Variants in PTPRD observed in about 807,000 individuals in gnomAD.
PTPRD encodes receptor-type tyrosine-protein phosphatase delta.
Under a neutral mutation model 214.5 loss-of-function variants are expected in PTPRD, and 34 were observed. That is an observed-to-expected ratio of 0.16 (90% CI 0.12 to 0.21). The LOEUF (loss-of-function observed/expected upper bound fraction) is 0.21, where lower values mean the gene tolerates loss of function less well. Ranked by LOEUF, PTPRD falls within the 10% of genes least tolerant of loss-of-function variation. The pLI, the probability that PTPRD is intolerant of heterozygous loss-of-function variation, is 1.00. For missense variants in PTPRD, 2,545 were observed against 2,398.7 expected, an observed-to-expected ratio of 1.06 and a Z score of -1.27; for synonymous variants, 1,128 against 845.7, an observed-to-expected ratio of 1.33 and a Z score of -5.79.
At chr9:10,555,321 A>T (rs1310069780) in intron 2 of PTPRD, among the ~76,000 whole-genome samples, 1 of 152,238 alleles carries the variant, frequency 6.6e-6, no homozygotes, top group African/African-American at 2.4e-5. Context: ...CAGGTACAAC[A>T]AATAAAATTC....
At chr9:10,496,759 G>C (rs912099735) in intron 2 of PTPRD, among the ~76,000 whole-genome samples, 1 of 151,994 alleles carries the variant, frequency 6.6e-6, no homozygotes, top group African/African-American at 2.4e-5. Flanking sequence ...ATCTTCTTTT[G>C]AGAGGTGTGT....
intron 11 of PTPRD, among the ~76,000 whole-genome samples, chr9:8,746,858 G>A (rs573142989): frequency 1.9e-4 from 29 of 152,188 alleles, no homozygotes; most frequent in African/African-American, 6.7e-4. Flanking sequence ...TTATCTGTTG[G>A]ATATGGGTCT....
chr9:10,073,928 A>G (rs932456397), intron 3 of PTPRD, among the ~76,000 whole-genome samples: 2 of 152,154 alleles, frequency 1.3e-5, no homozygotes, highest in African/African-American at 4.8e-5. Context: ...GACTGACATA[A>G]CTTTTGAAAC....
chr9:9,803,983 A>C (rs2099057881), intron 5 of PTPRD, among the ~76,000 whole-genome samples: 1 of 152,054 alleles, frequency 6.6e-6, no homozygotes, highest in Non-Finnish European at 1.5e-5. Context: ...TACTGGAGCA[A>C]TGGAACAAGA....
At chr9:8,585,024 T>C (rs2093521812) in intron 14 of PTPRD, among the ~76,000 whole-genome samples, 1 of 152,296 alleles carries the variant, frequency 6.6e-6, no homozygotes, top group East Asian at 1.9e-4. Context: ...TGGTTCCCTC[T>C]CATAACACGT....
chr9:9,502,635 G>T (rs1384373399), intron 8 of PTPRD, among the ~76,000 whole-genome samples: 5 of 151,812 alleles, frequency 3.3e-5, no homozygotes, highest in African/African-American at 1.2e-4. Context: ...AATCAAGCAA[G>T]ATTGTTTATA....
chr9:9,003,201 T>C (rs1567525945), intron 11 of PTPRD, among the ~76,000 whole-genome samples: 1 of 152,178 alleles, frequency 6.6e-6, no homozygotes, highest in African/African-American at 2.4e-5. Context: ...CTGGCCTTAC[T>C]TGAAAGTAAC....
intron 2 of PTPRD, among the ~76,000 whole-genome samples, chr9:10,562,808 A>C (rs1040592260): frequency 6.6e-6 from 1 of 152,142 alleles, no homozygotes; most frequent in African/African-American, 2.4e-5. Context: ...CAGTCATGTG[A>C]CTATAAGCAC....
At position 10,210,819 on chromosome 9, in the gene PTPRD, ATATGTATG is replaced by A. The variant is rs1261761491; in HGVS notation, c.-545+130136_-545+130143del. On this transcript the variant is annotated intron_variant, in intron 3 of 45. Transcript: ENST00000381196. The stretch of plus-strand genomic sequence containing the variant: ...TTCATATATATATATATATATATAT[ATATGTATG>A]TATGTATGTATGTATAATCAAACCA... 1.0e-2 allele frequency among the ~76,000 whole-genome samples: 698 copies of A among 69,932 alleles called. 12 individuals carry two copies. The highest frequency in any genetic ancestry group is 0.079 in the East Asian group (109 of 1,376). The allele number at this position is 69,932 out of a possible 152,430, so 45.9% of individuals were successfully genotyped here.
intron 14 of PTPRD, among the ~76,000 whole-genome samples, chr9:8,554,631 A>T (rs2083165978): frequency 6.6e-6 from 1 of 152,218 alleles, no homozygotes; most frequent in Non-Finnish European, 1.5e-5. Context: ...ATTGAAGCAA[A>T]TTTAGATGGC....
At chr9:9,338,001 T>C (rs1451151610) in intron 9 of PTPRD, among the ~76,000 whole-genome samples, 1 of 152,220 alleles carries the variant, frequency 6.6e-6, no homozygotes, top group African/African-American at 2.4e-5. Context: ...GAGATAACTT[T>C]GATCAAAACA....
intron 2 of PTPRD, among the ~76,000 whole-genome samples, chr9:10,578,509 G>T (rs1462353710): frequency 1.3e-5 from 2 of 151,954 alleles, no homozygotes; most frequent in Admixed American, 6.6e-5. Context: ...AAACAGAAAA[G>T]GTCCAATAGA....
intron 8 of PTPRD, among the ~76,000 whole-genome samples, chr9:9,553,262 C>A (rs922801532): frequency 6.6e-5 from 10 of 151,972 alleles, no homozygotes; most frequent in African/African-American, 1.9e-4. Context: ...CGGATTTATA[C>A]AAAGAAAACA....
intron 2 of PTPRD, among the ~76,000 whole-genome samples, chr9:10,397,576 C>T (rs534503172): frequency 1.3e-5 from 2 of 152,046 alleles, no homozygotes; most frequent in African/African-American, 4.8e-5. Flanking sequence ...AATGACCGAC[C>T]ACATATCTAA....
chr9:9,260,559 A>G (rs2099979670), intron 9 of PTPRD, among the ~76,000 whole-genome samples: 1 of 151,332 alleles, frequency 6.6e-6, no homozygotes, highest in Admixed American at 6.6e-5. Context: ...TTCCCTCTCA[A>G]TTTTCTCATT....
intron 4 of PTPRD, among the ~76,000 whole-genome samples, chr9:9,957,874 A>T (rs2094058063): frequency 6.6e-6 from 1 of 151,942 alleles, no homozygotes; most frequent in Non-Finnish European, 1.5e-5. Context: ...GCACTATAAG[A>T]CAGGGTGAGA....
At chr9:9,910,598 G>C (rs376473620) in intron 5 of PTPRD, among the ~76,000 whole-genome samples, 2 of 151,860 alleles carry the variant, frequency 1.3e-5, no homozygotes, top group Non-Finnish European at 2.9e-5. Context: ...TTATAAGTGT[G>C]TTGCTTCAAT....
chr9:9,635,529 G>A lies in PTPRD; in HGVS notation c.-286-60748C>T, dbSNP rs78176515. 7.1e-3 allele frequency among the ~76,000 whole-genome samples: 1,085 copies of A among 152,252 alleles called. 40 individuals are homozygous for A. The East Asian group carries it at 0.073, about 10-fold the overall frequency. ...TTCTGGGGACTGTGATGAGCTGTGT[G>A]GGTTATGCTTTTACAGCTGAAGAAA... is the stretch of plus-strand genomic sequence containing the variant. On this transcript the variant is annotated intron_variant, in intron 7 of 45. Transcript: ENST00000381196.
intron 10 of PTPRD, among the ~76,000 whole-genome samples, chr9:9,163,714 A>G (rs895662578): frequency 2.0e-5 from 3 of 152,144 alleles, no homozygotes; most frequent in African/African-American, 7.2e-5. Context: ...ACCATTTAAT[A>G]ACTGACTCGA....
Sources: allele counts gnomAD v4.1 joint callset (sites outside exome capture counted in the v4.1 genomes callset), GRCh38; gene constraint gnomAD v4.1.1; transcripts MANE v1.5; gene names NCBI Gene and HGNC (gene_info 2026-07-23, HGNC 2026-07-21).